Variants in HNMT observed in about 807,000 individuals in gnomAD.
HNMT encodes histamine N-methyltransferase.
HNMT carries 30 observed loss-of-function variants against 32.1 expected under a neutral mutation model. That is an observed-to-expected ratio of 0.93 (90% CI 0.70 to 1.27). The LOEUF (loss-of-function observed/expected upper bound fraction) is 1.27. Among genes scored for constraint, HNMT ranks in the 50% most tolerant of loss-of-function variants. The pLI, the probability that HNMT is intolerant of heterozygous loss-of-function variation, is 0.00. For missense variants in HNMT, 327 were observed against 346.0 expected, an observed-to-expected ratio of 0.95 and a Z score of 0.43; for synonymous variants, 125 against 119.0, an observed-to-expected ratio of 1.05 and a Z score of -0.33.
intron 2 of HNMT, chr2:137,992,046 A>G (rs1052421025): frequency 6.6e-6 from 1 of 152,218 alleles, no homozygotes; most frequent in Non-Finnish European, 1.5e-5. Context: ...AAGGGAGGCA[A>G]TGGGTGAGCG....
chr2:138,008,776 C>G (rs1217155048), intron 5 of HNMT, among the ~76,000 whole-genome samples: 1 of 151,970 alleles, frequency 6.6e-6, no homozygotes, highest in East Asian at 1.9e-4. Flanking sequence ...AAAATCAACT[C>G]AATGTGGCTT....
At chr2:138,004,150 C>T (rs1041210416) in intron 4 of HNMT, among the ~76,000 whole-genome samples, 4 of 152,030 alleles carry the variant, frequency 2.6e-5, no homozygotes, top group Non-Finnish European at 5.9e-5. Context: ...CTATGGCCCA[C>T]TTCCACATTT....
chr2:137,977,452 T>A (rs1680320395), intron 2 of HNMT, among the ~76,000 whole-genome samples: 1 of 152,126 alleles, frequency 6.6e-6, no homozygotes. Flanking sequence ...CCTAATAATA[T>A]ATGCCTGAAG....
chr2:137,997,242 C>G lies in HNMT; in HGVS notation c.191-3676C>G, dbSNP rs1199971705. 2.0e-5 allele frequency among the ~76,000 whole-genome samples: 3 copies of G among 151,990 alleles called. 1 individual carries two copies. Among genetic ancestry groups the G allele is most frequent in the African/African-American group, 7.3e-5 (3 of 41,378 alleles). On this transcript the variant is annotated intron_variant, in intron 2 of 5. Transcript: ENST00000280097. ...ATCATCAGAGTGAACAGGCAACCTA[C>G]AGAATGGGATAAAATTTCTGTGCTC...
Position 138,014,185 on chromosome 2 carries a change from C to T in HNMT, c.*55C>T, listed in dbSNP as rs532284212. The stretch of plus-strand genomic sequence containing the variant: ...TATATTTTGAACAACTCGAATCACT[C>T]ATTTATTTCCATATTAAAATCACAA... On this transcript the variant is annotated 3_prime_UTR_variant, in exon 6 of 6. Transcript: ENST00000280097. 5.5e-6 allele frequency: 6 copies of T among 1,097,082 alleles called. No homozygotes were observed. In the East Asian group the frequency reaches 7.3e-5, roughly 13 times the overall value. 68.0% of individuals were successfully genotyped at this position (1,097,082 alleles called of 1,614,324 possible).
At position 137,990,391 on chromosome 2, in the gene HNMT, C is replaced by T. The variant is rs533699461; in HGVS notation, c.191-10527C>T. 5.3e-5 allele frequency among the ~76,000 whole-genome samples: 8 copies of T among 152,244 alleles called. No individual in the cohort carries two copies. In the South Asian group the frequency reaches 1.7e-3, roughly 32 times the overall value. Reference sequence around the variant, plus strand: ...TGCTCCCTTGTCAAAGATCAATTCACTATATTTATGTGGGTCTATTTCTGG... The same window carrying T: ...TGCTCCCTTGTCAAAGATCAATTCATTATATTTATGTGGGTCTATTTCTGG... On this transcript the variant is annotated intron_variant, in intron 2 of 5. Coordinates refer to ENST00000280097, the MANE Select transcript of HNMT (RefSeq NM_006895.3).
At chr2:137,969,762 G>T (rs1680066696) in intron 1 of HNMT, among the ~76,000 whole-genome samples, 1 of 152,002 alleles carries the variant, frequency 6.6e-6, no homozygotes, top group South Asian at 2.1e-4. Flanking sequence ...TAAAAGGAAG[G>T]TTAAAAAAAG....
At chr2:137,995,922 T>C (rs1295124487) in intron 2 of HNMT, among the ~76,000 whole-genome samples, 1 of 152,184 alleles carries the variant, frequency 6.6e-6, no homozygotes, top group African/African-American at 2.4e-5. Context: ...AAAAACCACA[T>C]TATTATCTCA....
chr2:137,984,887 C>T (rs1459126355), intron 2 of HNMT, among the ~76,000 whole-genome samples: 1 of 151,964 alleles, frequency 6.6e-6, no homozygotes, highest in Non-Finnish European at 1.5e-5. Context: ...GATTTAAATA[C>T]CCTATGAAAA....
chr2:138,010,460 CACACACACACACACACACACACAG>C (rs1486873207), intron 5 of HNMT, among the ~76,000 whole-genome samples: 1 of 144,540 alleles, frequency 6.9e-6, no homozygotes, highest in Non-Finnish European at 1.5e-5. Context: ...CACACACACA[CACACACACACACACACACACACAG>C]CAAATGGAAG....
At chr2:137,980,839 G>T (rs1680471093) in intron 2 of HNMT, among the ~76,000 whole-genome samples, 1 of 152,062 alleles carries the variant, frequency 6.6e-6, no homozygotes, top group Non-Finnish European at 1.5e-5. Context: ...GGTACCCAGG[G>T]TGTTGGAGGG....
At chr2:137,976,988 A>G (rs1466452203) in intron 2 of HNMT, among the ~76,000 whole-genome samples, 2 of 152,226 alleles carry the variant, frequency 1.3e-5, no homozygotes, top group Non-Finnish European at 2.9e-5. Context: ...CAATAAGGTT[A>G]GAAACAGCAA....
At chr2:137,988,787 A>C (rs1573659240) in intron 2 of HNMT, 1 of 152,322 alleles carries the variant, frequency 6.6e-6, no homozygotes, top group African/African-American at 2.4e-5. Context: ...AGGCAGGAGA[A>C]TCGCTTGAAC....
Position 138,013,850 on chromosome 2 carries a change from C to T in HNMT, c.599C>T (p.Thr200Ile), listed in dbSNP as rs1380543556. Residue 200 changes from threonine (T) to isoleucine (I), a missense_variant, in exon 6 of 6, where the codon ACA becomes ATA. Transcript: ENST00000280097. ...CAGGATGACCTCTGCCAGTATATCA[C>T]ATCAGATGACCTCACTCAGATGCTG... is the stretch of plus-strand genomic sequence containing the variant. ...FPQDDLCQYI[T>I]SDDLTQMLDN... 1 of 1,613,778 alleles carries T rather than the reference C, an allele frequency of 6.2e-7. No homozygotes were observed. The highest frequency in any genetic ancestry group is 2.2e-5 in the East Asian group (1 of 44,866).
chr2:137,998,171 G>A (rs942983133), intron 2 of HNMT, among the ~76,000 whole-genome samples: 8 of 151,998 alleles, frequency 5.3e-5, no homozygotes, highest in Admixed American at 6.6e-5. Flanking sequence ...GAATGTAATC[G>A]CCTATGAGCA....
At chr2:137,970,788 C>G (rs1217429023) in intron 2 of HNMT, among the ~76,000 whole-genome samples, 1 of 151,878 alleles carries the variant, frequency 6.6e-6, no homozygotes, top group Non-Finnish European at 1.5e-5. Flanking sequence ...AGCGTGGTGG[C>G]AGACGCCTGT....
intron 2 of HNMT, among the ~76,000 whole-genome samples, chr2:137,996,722 T>C (rs931361142): frequency 6.6e-6 from 1 of 152,184 alleles, no homozygotes; most frequent in Admixed American, 6.5e-5. Context: ...AAGACAATCC[T>C]AAGCAAAAGG....
At chr2:137,993,017 C>T (rs968194896) in intron 2 of HNMT, among the ~76,000 whole-genome samples, 2 of 152,068 alleles carry the variant, frequency 1.3e-5, no homozygotes, top group African/African-American at 4.8e-5. Context: ...ACAAGAACAA[C>T]AAAAAGTCTC....
intron 1 of HNMT, among the ~76,000 whole-genome samples, chr2:137,968,251 T>A (rs1025940762): frequency 1.8e-4 from 27 of 152,226 alleles, no homozygotes; most frequent in Non-Finnish European, 8.8e-5. Flanking sequence ...TTTAAATCCT[T>A]GGCTAGAAAA....
Sources: allele counts gnomAD v4.1 joint callset (sites outside exome capture counted in the v4.1 genomes callset), GRCh38; gene constraint gnomAD v4.1.1; transcripts MANE v1.5; gene names NCBI Gene and HGNC (gene_info 2026-07-23, HGNC 2026-07-21).